Variants in INPP5B observed in about 807,000 individuals in gnomAD.
The protein encoded by INPP5B is type II inositol 1,4,5-trisphosphate 5-phosphatase.
Under a neutral mutation model 118.5 loss-of-function variants are expected in INPP5B, and 90 were observed. The observed-to-expected ratio is 0.76, with a 90% CI of 0.64 to 0.90. INPP5B has a LOEUF of 0.90. Among genes scored for constraint, INPP5B ranks in the 40% least tolerant of loss-of-function variants. The probability of loss-of-function intolerance (pLI) is 0.00; values close to 1 mark genes in which losing one functional copy is unlikely to be tolerated. For synonymous variants in INPP5B, 385 were observed against 418.9 expected, an observed-to-expected ratio of 0.92 and a Z score of 0.99; for missense variants, 984 against 1,125.6, an observed-to-expected ratio of 0.87 and a Z score of 1.80.
At chr1:37,897,989 A>C (rs1644186214) in intron 7 of INPP5B, among the ~76,000 whole-genome samples, 1 of 152,144 alleles carries the variant, frequency 6.6e-6, no homozygotes. Context: ...CTGCACAGAA[A>C]AGTTTATAGC....
chr1:37,884,849 GC>G (rs1404623953), intron 13 of INPP5B, among the ~76,000 whole-genome samples: 1 of 152,084 alleles, frequency 6.6e-6, no homozygotes, highest in Non-Finnish European at 1.5e-5. Flanking sequence ...TACTCGGGAG[GC>G]TGAGGCAGGA....
At chr1:37,939,787 T>C (rs770744803) in intron 6 of INPP5B, among the ~76,000 whole-genome samples, 4 of 151,512 alleles carry the variant, frequency 2.6e-5, no homozygotes, top group African/African-American at 7.3e-5. Flanking sequence ...CTGTTGCCCA[T>C]GCTGCGGTGC....
intron 4 of INPP5B, 53 bp from the exon 5 acceptor site, chr1:37,943,722 C>A (rs1249474405): frequency 6.2e-7 from 1 of 1,610,612 alleles, no homozygotes; most frequent in Admixed American, 1.7e-5. Flanking sequence ...CTCCCCCTTG[C>A]CCCCCCATCA....
intron 7 of INPP5B, among the ~76,000 whole-genome samples, chr1:37,914,252 T>C (rs1206110127): frequency 1.3e-5 from 2 of 152,194 alleles, no homozygotes; most frequent in Non-Finnish European, 2.9e-5. Context: ...AGGGCTGCTC[T>C]GTCTATGGAG....
chr1:37,941,664 C>T lies in INPP5B; in HGVS notation c.281-866G>A, dbSNP rs527737459. On this transcript the variant is annotated intron_variant, in intron 5 of 23. Coordinates refer to ENST00000373024, the MANE Select transcript of INPP5B (RefSeq NM_005540.3). ...TCAAAAAATAAAATAAAGGGCCGGG[C>T]GCGGTGGCTCACGCCTGTAATCCCA... is the stretch of plus-strand genomic sequence containing the variant. Among the ~76,000 whole-genome samples, 189 of 149,970 alleles carry T rather than the reference C, an allele frequency of 1.3e-3. 3 individuals are homozygous for T. The highest frequency in any genetic ancestry group is 3.6e-3 in the African/African-American group (148 of 40,820).
At chr1:37,886,527 A>G (rs1483743547) in intron 12 of INPP5B, among the ~76,000 whole-genome samples, 1 of 152,196 alleles carries the variant, frequency 6.6e-6, no homozygotes, top group Admixed American at 6.5e-5. Context: ...GAACCTAAAA[A>G]CAGAACTTTA....
intron 6 of INPP5B, among the ~76,000 whole-genome samples, chr1:37,933,745 A>C (rs912841577): frequency 3.9e-4 from 59 of 150,360 alleles, no homozygotes; most frequent in Non-Finnish European, 5.2e-4. Context: ...AAATAAATAA[A>C]TAAATAAATA....
At chr1:37,910,802 C>T (rs1055362392) in intron 7 of INPP5B, among the ~76,000 whole-genome samples, 1 of 152,146 alleles carries the variant, frequency 6.6e-6, no homozygotes, top group Non-Finnish European at 1.5e-5. Context: ...CCCTATCGAC[C>T]AAATTGTCTT....
chr1:37,944,697 TC>T (rs2148703773), intron 3 of INPP5B, among the ~76,000 whole-genome samples: 1 of 150,642 alleles, frequency 6.6e-6, no homozygotes, highest in African/African-American at 2.4e-5. Context: ...TCCTCCCGCC[TC>T]AGCCTCCTGA....
chr1:37,936,017 G>C (rs1645675191), intron 6 of INPP5B, among the ~76,000 whole-genome samples: 1 of 152,082 alleles, frequency 6.6e-6, no homozygotes. Context: ...AGTAAGCCGA[G>C]ATCACGCCAC....
Position 37,888,344 on chromosome 1 carries a change from C to A in INPP5B, c.798G>T (p.Arg266Ser). Residue 266 changes from arginine to serine, a missense_variant and splice_region_variant, in exon 10 of 24, where the codon AGG (arginine) becomes AGT (serine). Transcript: ENST00000373024. Reference protein sequence around the residue: ...EEDYTYIQNFRFFAGTYNVNG... With the variant: ...EEDYTYIQNFSFFAGTYNVNG... ...TTACATTGTATGTTCCCGCAAAAAACCTGTCACCAAAGAGAAATAATTAGT... is the reference window on the plus strand; with the variant it reads ...TTACATTGTATGTTCCCGCAAAAAAACTGTCACCAAAGAGAAATAATTAGT... The A allele has an allele frequency of 1.3e-6, 2 of 1,522,290 alleles. No homozygotes were observed. Among genetic ancestry groups the A allele is most frequent in the Admixed American group, 2.2e-5 (1 of 45,408 alleles). The allele number at this position is 1,522,290 out of a possible 1,614,324, so 94.3% of individuals were successfully genotyped here.
rs534676943 is a variant in INPP5B at position 37,902,567 on chromosome 1, T to A, written c.533-11113A>T. Among the ~76,000 whole-genome samples, 157 of 151,532 alleles carry A rather than the reference T, an allele frequency of 1.0e-3. 2 individuals are homozygous for A. In the East Asian group the frequency reaches 0.014, roughly 14 times the overall value. Reference sequence around the variant, plus strand: ...AAACCCTATTTCTACAAAAAAAAAATTTTTTTTGAGATGTTGTTTCGCTCT... The same window carrying A: ...AAACCCTATTTCTACAAAAAAAAAAATTTTTTTGAGATGTTGTTTCGCTCT... On this transcript the variant is annotated intron_variant, in intron 7 of 23. Transcript: ENST00000373024.
At chr1:37,896,455 C>T (rs1440477664) in intron 7 of INPP5B, among the ~76,000 whole-genome samples, 10 of 150,070 alleles carry the variant, frequency 6.7e-5, no homozygotes, top group East Asian at 2.0e-4. Context: ...CCAGCTGCCC[C>T]GTCCGGGAGG....
chr1:37,882,718 G>T, intron 14 of INPP5B, 89 bp downstream of exon 14: 4 of 924,130 alleles, frequency 4.3e-6, no homozygotes, highest in South Asian at 1.4e-5. Context: ...AGCCAAGGAG[G>T]AAGAGGCTGC....
At chr1:37,878,984 A>G (rs1643017151) in intron 15 of INPP5B, among the ~76,000 whole-genome samples, 1 of 146,716 alleles carries the variant, frequency 6.8e-6, no homozygotes, top group African/African-American at 2.5e-5. Context: ...AAGGCCAGGC[A>G]CGGTGGCTCA....
chr1:37,881,227 G>C (rs981401303), intron 14 of INPP5B, among the ~76,000 whole-genome samples: 4 of 152,230 alleles, frequency 2.6e-5, no homozygotes, highest in African/African-American at 9.6e-5. Context: ...ACTGGGGGAA[G>C]CTCTGTGCCT....
chr1:37,862,212 T>TG lies in INPP5B; in HGVS notation c.*102dup. The stretch of plus-strand genomic sequence containing the variant: ...AGGCTCAGGAAATAGCTGCCATTCT[T>TG]GCTACCAAGTGGCCTCACATAATTA... On this transcript the variant is annotated 3_prime_UTR_variant, in exon 24 of 24. Coordinates refer to ENST00000373024, the MANE Select transcript of INPP5B (RefSeq NM_005540.3). The TG allele has an allele frequency of 1.4e-6, 1 of 739,380 alleles. No homozygotes were observed. Among genetic ancestry groups the TG allele is most frequent in the Non-Finnish European group, 2.4e-6 (1 of 419,970 alleles). 45.8% of individuals were successfully genotyped at this position (739,380 alleles called of 1,614,324 possible). A position where few individuals can be genotyped will look rare whatever the true frequency, so the allele number is the denominator to read the frequency against.
chr1:37,944,045 T>A, intron 3 of INPP5B, 152 bp from the exon 4 acceptor site: 3 of 642,800 alleles, frequency 4.7e-6, no homozygotes, highest in Non-Finnish European at 8.5e-6. Context: ...CATCTCTGTC[T>A]GTGGTGCCCA....
intron 7 of INPP5B, among the ~76,000 whole-genome samples, chr1:37,898,735 A>T (rs1380201857): frequency 6.6e-6 from 1 of 152,010 alleles, no homozygotes; most frequent in Middle Eastern, 3.2e-3. Context: ...ACAAAATTTT[A>T]AAAAATCATT....
Sources: gnomAD v4.1 joint callset for allele counts (sites outside exome capture counted in the v4.1 genomes callset) on GRCh38, gnomAD v4.1.1 for gene constraint, MANE v1.5 for transcripts, NCBI Gene and HGNC (gene_info 2026-07-23, HGNC 2026-07-21) for gene names.